Variants in MAP4K4 observed in about 807,000 individuals in gnomAD.
MAP4K4 encodes the protein HPK/GCK-like kinase HGK.
A neutral mutation model predicts 189.6 loss-of-function variants in MAP4K4; 38 were observed. The ratio of observed to expected loss-of-function variants is 0.20; its 90% CI spans 0.15 to 0.26. The LOEUF (loss-of-function observed/expected upper bound fraction) is 0.26, where lower values mean the gene tolerates loss of function less well. Among genes scored for constraint, MAP4K4 ranks in the 10% least tolerant of loss-of-function variants. The pLI, the probability that MAP4K4 is intolerant of heterozygous loss-of-function variation, is 1.00. For missense variants in MAP4K4, 1,054 were observed against 1,726.9 expected (o/e 0.61, Z 6.91); for synonymous variants, 610 against 624.3 (o/e 0.98, Z 0.34).
chr2:101,870,692 C>T (rs778991044), intron 23 of MAP4K4: 5 of 326,922 alleles, frequency 1.5e-5, no homozygotes, highest in Admixed American at 9.0e-5. Flanking sequence ...TATGTCTGAG[C>T]GGGAGAGAAG....
chr2:101,792,609 C>T (rs1385778941), intron 3 of MAP4K4, among the ~76,000 whole-genome samples: 1 of 148,900 alleles, frequency 6.7e-6, no homozygotes, highest in Non-Finnish European at 1.5e-5. Context: ...TCCTCCTCCT[C>T]CTCCTCCTCC....
rs76625947 is a variant in MAP4K4, at chr2:101,774,628, T to C, written c.124-16092T>C. ...TGTGCTTGTGAGGTAACCTGAATTT[T>C]GAATCACTGCTGCCTCTCTTCAGTT... On this transcript the variant is annotated intron_variant, in intron 2 of 32. Coordinates refer to ENST00000324219, the Ensembl canonical transcript of MAP4K4. 4.5e-3 allele frequency among the ~76,000 whole-genome samples: 678 copies of C among 152,332 alleles called. 6 individuals are homozygous for C. In the East Asian group the frequency reaches 0.045, roughly 10 times the overall value.
At chr2:101,825,475 C>G in intron 5 of MAP4K4, 46 bp downstream of exon 5, 1 of 1,267,382 alleles carries the variant, frequency 7.9e-7, no homozygotes, top group Non-Finnish European at 1.1e-6. Flanking sequence ...TGATCCTGTG[C>G]TTCCGTTTTC....
intron 2 of MAP4K4, among the ~76,000 whole-genome samples, chr2:101,709,242 G>A (rs1350317974): frequency 3.3e-5 from 5 of 152,132 alleles, no homozygotes; most frequent in African/African-American, 9.7e-5. Context: ...TCACTCTGTC[G>A]CCCAGGCTGG....
chr2:101,698,159 C>A (rs1256610402), intron 1 of MAP4K4, 22 bp downstream of exon 1: 13 of 1,143,888 alleles, frequency 1.1e-5, no homozygotes, highest in Non-Finnish European at 1.5e-5. Flanking sequence ...CGCGAGCGGG[C>A]GCGCGGGGAG....
At chr2:101,708,856 C>T (rs1559035858) in intron 2 of MAP4K4, among the ~76,000 whole-genome samples, 1 of 152,150 alleles carries the variant, frequency 6.6e-6, no homozygotes, top group Non-Finnish European at 1.5e-5. Flanking sequence ...AAATGGAATC[C>T]TACAACGTAT....
At chr2:101,794,015 G>T (rs2093348500) in intron 3 of MAP4K4, among the ~76,000 whole-genome samples, 1 of 152,182 alleles carries the variant, frequency 6.6e-6, no homozygotes, top group Non-Finnish European at 1.5e-5. Flanking sequence ...TTCAAATTTT[G>T]TGTGTGAGTA....
At chr2:101,730,141 A>G (rs1367747404) in intron 2 of MAP4K4, among the ~76,000 whole-genome samples, 2 of 152,160 alleles carry the variant, frequency 1.3e-5, no homozygotes, top group African/African-American at 2.4e-5. Flanking sequence ...TGCTTCGTTC[A>G]TGTACTTTGT....
exon 16 of MAP4K4, chr2:101,860,841 G>A (rs2097629881): frequency 6.2e-7 from 1 of 1,608,050 alleles, no homozygotes; most frequent in East Asian, 2.2e-5. Context: ...GATAGATTTA[G>A]GAAAACTAAC....
intron 3 of MAP4K4, among the ~76,000 whole-genome samples, chr2:101,800,674 C>T (rs2094281482): frequency 6.6e-6 from 1 of 152,032 alleles, no homozygotes; most frequent in Non-Finnish European, 1.5e-5. Context: ...CAAATGTATA[C>T]CATGGTTTGT....
intron 2 of MAP4K4, among the ~76,000 whole-genome samples, chr2:101,706,286 G>C (rs1381338841): frequency 6.6e-6 from 1 of 152,178 alleles, no homozygotes; most frequent in East Asian, 1.9e-4. Flanking sequence ...TATTGAACTA[G>C]TTAGTTCAAT....
intron 2 of MAP4K4, among the ~76,000 whole-genome samples, chr2:101,738,761 T>C (rs921792287): frequency 6.6e-6 from 1 of 151,974 alleles, no homozygotes; most frequent in Admixed American, 6.6e-5. Flanking sequence ...CCTGTCCTTG[T>C]GCTTATGCAG....
At chr2:101,736,687 G>C (rs1558647129) in intron 2 of MAP4K4, among the ~76,000 whole-genome samples, 2 of 152,142 alleles carry the variant, frequency 1.3e-5, no homozygotes, top group African/African-American at 2.4e-5. Context: ...CCCCTTTGCA[G>C]TGTGCCCTTT....
chr2:101,872,893 T>C (rs2098090003), intron 24 of MAP4K4, among the ~76,000 whole-genome samples: 1 of 152,242 alleles, frequency 6.6e-6, no homozygotes, highest in Non-Finnish European at 1.5e-5. Flanking sequence ...TCCATTTCGC[T>C]CTAATGTGCA....
chr2:101,707,553 C>G (rs756480768), intron 2 of MAP4K4, among the ~76,000 whole-genome samples: 48 of 152,052 alleles, frequency 3.2e-4, no homozygotes, highest in Non-Finnish European at 6.0e-4. Context: ...TGCTCTGTCC[C>G]CCAGGCTGCA....
intron 3 of MAP4K4, among the ~76,000 whole-genome samples, chr2:101,811,320 G>A (rs2095407593): frequency 7.3e-6 from 1 of 137,724 alleles, no homozygotes; most frequent in South Asian, 2.3e-4. Context: ...GCAGTGAGCC[G>A]AGATTTGCGC....
chr2:101,715,589 A>G (rs1010245716), intron 2 of MAP4K4, among the ~76,000 whole-genome samples: 1 of 152,234 alleles, frequency 6.6e-6, no homozygotes, highest in African/African-American at 2.4e-5. Context: ...TCTCTAATCC[A>G]AAAGTCTGAA....
chr2:101,839,413 C>T (rs928700862), intron 9 of MAP4K4, among the ~76,000 whole-genome samples: 4 of 152,198 alleles, frequency 2.6e-5, no homozygotes, highest in Admixed American at 2.0e-4. Context: ...TTTCTTATCT[C>T]ATTGTCTGTC....
intron 2 of MAP4K4, among the ~76,000 whole-genome samples, chr2:101,769,581 GTCTTTT>G (rs2080308358): frequency 6.6e-6 from 1 of 151,866 alleles, no homozygotes; most frequent in Non-Finnish European, 1.5e-5. Context: ...ATCCAGAAAT[GTCTTTT>G]TCTTTTTTTT....
Sources: gnomAD v4.1 joint callset for allele counts (sites outside exome capture counted in the v4.1 genomes callset) on GRCh38, gnomAD v4.1.1 for gene constraint, MANE v1.5 for transcripts, NCBI Gene and HGNC (gene_info 2026-07-23, HGNC 2026-07-21) for gene names.